The following FRMD4B variants were observed in gnomAD, a reference collection of about 807,000 sequenced individuals.
The protein encoded by FRMD4B is FERM domain containing 4B, also known as FERM domain-containing protein 4B.
Under a neutral mutation model 141.5 loss-of-function variants are expected in FRMD4B, and 74 were observed. The ratio of observed to expected loss-of-function variants is 0.52; its 90% CI spans 0.43 to 0.63. The LOEUF (loss-of-function observed/expected upper bound fraction) is 0.63, where lower values mean the gene tolerates loss of function less well. Among genes scored for constraint, FRMD4B ranks in the 30% least tolerant of loss-of-function variants. The probability of loss-of-function intolerance (pLI) is 0.00; values close to 1 mark genes in which losing one functional copy is unlikely to be tolerated. For synonymous variants in FRMD4B, 506 were observed against 467.9 expected, an observed-to-expected ratio of 1.08 and a Z score of -1.05; for missense variants, 1,366 against 1,253.4, an observed-to-expected ratio of 1.09 and a Z score of -1.36.
At chr3:69,313,322 C>G in intron 2 of FRMD4B, 130 bp downstream of exon 2, 1 of 721,842 alleles carries the variant, frequency 1.4e-6, no homozygotes. Flanking sequence ...GGCTTTGAGG[C>G]AAAGATAACA....
Position 69,385,881 on chromosome 3 carries a change from G to T in FRMD4B, c.109C>A (p.Arg37=). The T allele has an allele frequency of 6.3e-7, 1 of 1,599,422 alleles. No individual in the cohort carries two copies. The highest frequency in any genetic ancestry group is 8.5e-7 in the Non-Finnish European group (1 of 1,173,720). ...GTCCGCAGCACCTGGTGGCAAGCCC[G>T]CAGCCTCTCCGTGTACCATCTCCGC... is the stretch of plus-strand genomic sequence containing the variant. ...TLRRWYTERL[R]ACHQVLRTWC... is the part of the protein sequence containing the mutation. The change falls in exon 1 of 23, where the codon CGG becomes AGG. Residue 37 remains arginine (R), a synonymous_variant. Transcript: ENST00000398540.
chr3:69,435,060 A>C (rs901311156), intron 1 of FRMD4B, among the ~76,000 whole-genome samples: 2 of 152,134 alleles, frequency 1.3e-5, no homozygotes, highest in Admixed American at 1.3e-4. Flanking sequence ...ACATTGTATT[A>C]GGGCCCATCC....
intron 11 of FRMD4B, among the ~76,000 whole-genome samples, chr3:69,215,946 A>G (rs202231295): frequency 6.6e-6 from 1 of 151,998 alleles, no homozygotes; most frequent in Admixed American, 6.5e-5. Context: ...TTGAGGTCAG[A>G]AGTTTGAGAC....
chr3:69,410,956 T>TATAGAAGAG (rs2106780954), intron 2 of FRMD4B, among the ~76,000 whole-genome samples: 1 of 151,932 alleles, frequency 6.6e-6, no homozygotes, highest in African/African-American at 2.4e-5. Flanking sequence ...GTACCTGGCC[T>TATAGAAGAG]ATAGAAGAGG....
chr3:69,431,922 GAT>G (rs1705186450), intron 2 of FRMD4B, among the ~76,000 whole-genome samples: 1 of 152,182 alleles, frequency 6.6e-6, no homozygotes, highest in African/African-American at 2.4e-5. Flanking sequence ...TTGCCTGTCA[GAT>G]ATGAACTTCT....
chr3:69,279,526 C>A (rs2093633795), intron 5 of FRMD4B, among the ~76,000 whole-genome samples: 1 of 152,170 alleles, frequency 6.6e-6, no homozygotes, highest in Non-Finnish European at 1.5e-5. Context: ...GTGACATGAT[C>A]ATGGCTTACT....
intron 8 of FRMD4B, among the ~76,000 whole-genome samples, chr3:69,224,039 G>T (rs9848178): frequency 0.81 from 122,513 of 152,044 alleles, 50,473 homozygotes; most frequent in South Asian, 0.95. Flanking sequence ...CCATCTTGAG[G>T]ATTCAGACTG....
chr3:69,310,579 CACAGAGAGAGAGAGAGAGAGAG>C (rs1339464599), intron 3 of FRMD4B: 25 of 266,626 alleles, frequency 9.4e-5, no homozygotes, highest in Non-Finnish European at 1.1e-4. Flanking sequence ...CACACACACA[CACAGAGAGAGAGAGAGAGAGAG>C]AGAGAGAGAG....
At chr3:69,244,556 C>G (rs2093410253) in intron 7 of FRMD4B, among the ~76,000 whole-genome samples, 1 of 152,110 alleles carries the variant, frequency 6.6e-6, no homozygotes, top group South Asian at 2.1e-4. Context: ...TCTCTTGAAC[C>G]CAGGAGGTGG....
At chr3:69,513,683 G>T (rs1292079973) in intron 1 of FRMD4B, among the ~76,000 whole-genome samples, 1 of 151,570 alleles carries the variant, frequency 6.6e-6, no homozygotes, top group Non-Finnish European at 1.5e-5. Flanking sequence ...CATACTAAAA[G>T]GATTATATAG....
At chr3:69,443,016 C>T (rs1413531482) in intron 1 of FRMD4B, among the ~76,000 whole-genome samples, 1 of 152,168 alleles carries the variant, frequency 6.6e-6, no homozygotes, top group African/African-American at 2.4e-5. Flanking sequence ...TCATAATAAG[C>T]CCCTTTCAAC....
At chr3:69,506,531 A>G (rs946731839) in intron 1 of FRMD4B, among the ~76,000 whole-genome samples, 1 of 151,976 alleles carries the variant, frequency 6.6e-6, no homozygotes, top group Non-Finnish European at 1.5e-5. Context: ...CTCTACTGCT[A>G]AATTCTTTTT....
chr3:69,306,513 A>T (rs967720984), intron 3 of FRMD4B: 1 of 152,228 alleles, frequency 6.6e-6, no homozygotes, highest in Non-Finnish European at 1.5e-5. Context: ...CACTACGGTG[A>T]CCTGAAGGAC....
chr3:69,283,630 T>A (rs1418139580), intron 5 of FRMD4B, among the ~76,000 whole-genome samples: 1 of 152,166 alleles, frequency 6.6e-6, no homozygotes, highest in Non-Finnish European at 1.5e-5. Context: ...ACTTGATCAA[T>A]GCCAACTAGG....
At chr3:69,304,894 TA>T (rs1701343073) in intron 3 of FRMD4B, among the ~76,000 whole-genome samples, 1 of 151,982 alleles carries the variant, frequency 6.6e-6, no homozygotes, top group Non-Finnish European at 1.5e-5. Context: ...AGTAAAAAAT[TA>T]AAAAACAAAA....
chr3:69,483,635 C>G (rs1159616958), intron 1 of FRMD4B, among the ~76,000 whole-genome samples: 2 of 152,148 alleles, frequency 1.3e-5, no homozygotes. Flanking sequence ...TGCTGGGAAA[C>G]TTCATGAGGA....
chr3:69,221,791 C>G, intron 9 of FRMD4B, 67 bp downstream of exon 9: 1 of 808,520 alleles, frequency 1.2e-6, no homozygotes, highest in Non-Finnish European at 2.1e-6. Context: ...CAACAGAAAT[C>G]ATTTCAAGTG....
At chr3:69,194,951 A>G (rs1291658234) in intron 16 of FRMD4B, 71 bp downstream of exon 16, 30 of 1,431,606 alleles carry the variant, frequency 2.1e-5, no homozygotes, top group Non-Finnish European at 2.8e-5. Context: ...AACCAAAGGA[A>G]AATGTCCACT....
chr3:69,455,280 A>G (rs992822249), intron 1 of FRMD4B, among the ~76,000 whole-genome samples: 6 of 152,240 alleles, frequency 3.9e-5, no homozygotes, highest in Non-Finnish European at 5.9e-5. Flanking sequence ...TGATAGGTTC[A>G]GGTCTGTTTA....
Sources: gnomAD v4.1 joint callset for allele counts (sites outside exome capture counted in the v4.1 genomes callset) on GRCh38, gnomAD v4.1.1 for gene constraint, MANE v1.5 for transcripts, NCBI Gene and HGNC (gene_info 2026-07-23, HGNC 2026-07-21) for gene names.